Variants in NGEF observed in about 807,000 individuals in gnomAD.
The protein encoded by NGEF is neuronal guanine nucleotide exchange factor.
NGEF carries 31 observed loss-of-function variants against 80.9 expected under a neutral mutation model. The ratio of observed to expected loss-of-function variants is 0.38; its 90% CI spans 0.29 to 0.52. The LOEUF is 0.52. NGEF is among the 20% of genes least tolerant of loss of function. The pLI is 0.84. For missense variants in NGEF, 709 were observed against 926.2 expected, an observed-to-expected ratio of 0.77 and a Z score of 3.04; for synonymous variants, 371 against 370.2, an observed-to-expected ratio of 1.00 and a Z score of -0.03.
chr2:232,984,755 C>T (rs1694500049), intron 1 of NGEF, among the ~76,000 whole-genome samples: 1 of 152,148 alleles, frequency 6.6e-6, no homozygotes, highest in Non-Finnish European at 1.5e-5. Context: ...AGGGAAATTT[C>T]AGACAATGGA....
At chr2:232,880,292 C>T (rs1424654483) in intron 14 of NGEF, among the ~76,000 whole-genome samples, 1 of 152,246 alleles carries the variant, frequency 6.6e-6, no homozygotes. Context: ...CTAGAGATCA[C>T]CAGGTCTTTG....
At chr2:232,933,230 G>A (rs536723058) in intron 3 of NGEF, among the ~76,000 whole-genome samples, 2 of 152,208 alleles carry the variant, frequency 1.3e-5, no homozygotes, top group South Asian at 4.1e-4. Context: ...TCATCACTTT[G>A]TGATGGAATT....
intron 1 of NGEF, among the ~76,000 whole-genome samples, chr2:232,978,879 C>T (rs892899107): frequency 2.1e-4 from 32 of 152,172 alleles, no homozygotes; most frequent in African/African-American, 6.3e-4. Flanking sequence ...CACAGGCGCC[C>T]GCCTAATACT....
At chr2:232,907,085 C>T (rs1302889792) in intron 5 of NGEF, among the ~76,000 whole-genome samples, 1 of 150,150 alleles carries the variant, frequency 6.7e-6, no homozygotes, top group Non-Finnish European at 1.5e-5. Flanking sequence ...TGTTTGTCTG[C>T]TGACCTTCCC....
intron 9 of NGEF, among the ~76,000 whole-genome samples, chr2:232,886,079 C>G (rs530122877): frequency 2.4e-5 from 2 of 84,732 alleles, no homozygotes; most frequent in African/African-American, 9.4e-5. Flanking sequence ...GTAAAGAATA[C>G]AGTGGTGTGT....
At position 232,893,028 on chromosome 2, in the gene NGEF, G is replaced by A. The variant is rs755477382; in HGVS notation, c.1012C>T (p.Arg338Trp). ...SERFLLELEH[R>W]MEENIVISDV... ...GAGATGACGATGTTCTCCTCCATCC[G>A]GTGCTCCAGCTCCAGGAGGAACCTA... Residue 338 changes from arginine (R) to tryptophan (W), a missense_variant, in exon 7 of 15, where the codon CGG becomes TGG. Coordinates refer to ENST00000264051, the MANE Select transcript of NGEF (RefSeq NM_019850.3). 1.9e-6 allele frequency: 3 copies of A among 1,612,718 alleles called. No individual in the cohort carries two copies. Among genetic ancestry groups the A allele is most frequent in the Non-Finnish European group, 2.5e-6 (3 of 1,179,552 alleles).
rs1201375473 is a variant in NGEF, at chr2:232,878,847, A to G, written c.*642T>C. On this transcript the variant is annotated 3_prime_UTR_variant, in exon 15 of 15. Coordinates refer to ENST00000264051, the MANE Select transcript of NGEF (RefSeq NM_019850.3). Reference sequence around the variant, plus strand: ...GGGCTAGAAGACACAAGTTACATCCAGCCCATCAGGGAGCCAGAGGCGGGA... The same window carrying G: ...GGGCTAGAAGACACAAGTTACATCCGGCCCATCAGGGAGCCAGAGGCGGGA... 6.6e-6 allele frequency: 1 copy of G among 152,652 alleles called. No homozygotes were observed. The highest frequency in any genetic ancestry group is 1.5e-5 in the Non-Finnish European group (1 of 68,086). The allele number at this position is 152,652 out of a possible 1,614,324, so 9.5% of individuals were successfully genotyped here.
At chr2:232,900,423 T>TAG (rs541261852) in intron 5 of NGEF, among the ~76,000 whole-genome samples, 4 of 13,070 alleles carry the variant, frequency 3.1e-4, no homozygotes, top group African/African-American at 9.4e-4. Flanking sequence ...CACATTCACT[T>TAG]ACATGCTCTC....
intron 4 of NGEF, among the ~76,000 whole-genome samples, chr2:232,921,276 T>C (rs932368246): frequency 4.0e-5 from 6 of 151,738 alleles, no homozygotes; most frequent in Admixed American, 3.9e-4. Flanking sequence ...CAGGCAGCCA[T>C]GTTGGGGTTG....
At chr2:233,003,356 T>G (rs955814814) in intron 1 of NGEF, among the ~76,000 whole-genome samples, 1 of 152,188 alleles carries the variant, frequency 6.6e-6, no homozygotes, top group Non-Finnish European at 1.5e-5. Flanking sequence ...TCCCAGCCTA[T>G]TTCTGATCCT....
At chr2:232,965,587 A>C (rs1317895581) in intron 3 of NGEF, among the ~76,000 whole-genome samples, 2 of 152,126 alleles carry the variant, frequency 1.3e-5, no homozygotes, top group African/African-American at 4.8e-5. Context: ...GGAAGGGCTC[A>C]CCCATGGTCA....
intron 2 of NGEF, among the ~76,000 whole-genome samples, chr2:232,972,703 A>G (rs994099217): frequency 6.7e-6 from 1 of 148,420 alleles, no homozygotes; most frequent in Admixed American, 6.8e-5. Flanking sequence ...CATGAAATCA[A>G]CCAAGCCTGC....
chr2:232,955,004 G>C (rs137885312), intron 3 of NGEF, among the ~76,000 whole-genome samples: 6 of 151,868 alleles, frequency 4.0e-5, no homozygotes, highest in Non-Finnish European at 8.8e-5. Flanking sequence ...CTTTTTCTTC[G>C]TAATACGCCT....
At chr2:232,898,782 C>T (rs1692174975) in intron 5 of NGEF, among the ~76,000 whole-genome samples, 1 of 152,214 alleles carries the variant, frequency 6.6e-6, no homozygotes, top group African/African-American at 2.4e-5. Context: ...TCCCATGGCA[C>T]TTTCGTCCCA....
At chr2:232,891,324 G>A in intron 8 of NGEF, 34 bp downstream of exon 8, 1 of 1,611,092 alleles carries the variant, frequency 6.2e-7, no homozygotes, top group Non-Finnish European at 8.5e-7. Context: ...AGCCTGGGAA[G>A]CCCCGTCTGT....
rs576215708 is a variant in NGEF at position 232,936,677 on chromosome 2, A to G, written c.384-9491T>C. The stretch of plus-strand genomic sequence containing the variant: ...CATTACTGAGGGGAAGGTTAGCGCT[A>G]TCTGTGACTCCCAAGGGAGAAGACC... On this transcript the variant is annotated intron_variant, in intron 3 of 14. Coordinates refer to ENST00000264051, the MANE Select transcript of NGEF (RefSeq NM_019850.3). 1.8e-4 allele frequency among the ~76,000 whole-genome samples: 28 copies of G among 152,328 alleles called. No individual in the cohort carries two copies. In the East Asian group the frequency reaches 4.8e-3, roughly 26 times the overall value.
intron 5 of NGEF, among the ~76,000 whole-genome samples, chr2:232,913,007 T>C (rs1386664934): frequency 6.6e-6 from 1 of 152,234 alleles, no homozygotes; most frequent in Non-Finnish European, 1.5e-5. Flanking sequence ...TGTTGATTCT[T>C]GCTCTCACAT....
chr2:232,916,759 G>A (rs1282262033), intron 5 of NGEF, among the ~76,000 whole-genome samples: 1 of 152,196 alleles, frequency 6.6e-6, no homozygotes, highest in African/African-American at 2.4e-5. Context: ...CACTTGTACT[G>A]CCTTTTTGAA....
chr2:232,938,056 C>T (rs569818121), intron 3 of NGEF, among the ~76,000 whole-genome samples: 1 of 152,276 alleles, frequency 6.6e-6, no homozygotes, highest in South Asian at 2.1e-4. Flanking sequence ...CCCTTGTCTG[C>T]TTTAAGAAGA....
Sources: gnomAD v4.1 joint callset for allele counts (sites outside exome capture counted in the v4.1 genomes callset) on GRCh38, gnomAD v4.1.1 for gene constraint, MANE v1.5 for transcripts, NCBI Gene and HGNC (gene_info 2026-07-23, HGNC 2026-07-21) for gene names.